Variants in NEGR1 observed in about 807,000 individuals in gnomAD.
NEGR1 encodes neuronal growth regulator 1, also known as IgLON family member 4.
In NEGR1, 10 loss-of-function variants were observed where a neutral mutation model predicts 40.9. The ratio of observed to expected loss-of-function variants is 0.24; its 90% confidence interval spans 0.15 to 0.42. The LOEUF is 0.42. Among genes scored for constraint, NEGR1 ranks in the 10% least tolerant of loss-of-function variants. The pLI is 1.00. For synonymous variants in NEGR1, 185 were observed against 166.8 expected (o/e 1.11, Z -0.84); for missense variants, 352 against 438.9 (o/e 0.80, Z 1.77).
intron 6 of NEGR1, among the ~76,000 whole-genome samples, chr1:71,557,390 G>A (rs888711429): frequency 6.6e-6 from 1 of 151,638 alleles, no homozygotes; most frequent in Non-Finnish European, 1.5e-5. Context: ...TAAAGGAAGT[G>A]TGGGAGAAGA....
intron 4 of NEGR1, among the ~76,000 whole-genome samples, chr1:71,662,867 C>T (rs1056155051): frequency 1.3e-5 from 2 of 151,776 alleles, no homozygotes; most frequent in Admixed American, 6.6e-5. Flanking sequence ...TATACAGAAA[C>T]GCCTAAAATA....
At chr1:71,783,837 C>CCCATCCATCCATCCAT (rs758122735) in intron 2 of NEGR1, among the ~76,000 whole-genome samples, 4 of 136,826 alleles carry the variant, frequency 2.9e-5, no homozygotes, top group African/African-American at 9.9e-5. Context: ...CATCCATCCA[C>CCCATCCATCCATCCAT]CCGTCCATCC....
intron 4 of NEGR1, among the ~76,000 whole-genome samples, chr1:71,646,768 G>A (rs1651544728): frequency 6.6e-6 from 1 of 151,692 alleles, no homozygotes; most frequent in Non-Finnish European, 1.5e-5. Flanking sequence ...TTTTATTGCT[G>A]CATTACTGAG....
At chr1:71,951,426 A>C (rs1379692244) in intron 1 of NEGR1, among the ~76,000 whole-genome samples, 1 of 151,998 alleles carries the variant, frequency 6.6e-6, no homozygotes, top group East Asian at 1.9e-4. Flanking sequence ...AGACAGAACA[A>C]AGTGAAACTG....
In NEGR1 at chr1:72,122,952, G is replaced by C. The variant is rs1395233234; in HGVS notation, c.176+159367C>G. On this transcript the variant is annotated intron_variant, in intron 1 of 6. Coordinates refer to ENST00000357731, the MANE Select transcript of NEGR1 (RefSeq NM_173808.3). ...ACCATGTAGGTTCTAGACATATTTT[G>C]AATATGTCTAAATAATGGGATATAT... Among the ~76,000 whole-genome samples the C allele has an allele frequency of 2.6e-5, 4 of 151,880 alleles. No individual in the cohort carries two copies. In the East Asian group the frequency reaches 7.7e-4, roughly 29 times the overall value.
Position 72,098,820 on chromosome 1 carries a change from T to C in NEGR1, c.177-163509A>G, listed in dbSNP as rs544018457. On this transcript the variant is annotated intron_variant, in intron 1 of 6. Coordinates refer to ENST00000357731, the MANE Select transcript of NEGR1 (RefSeq NM_173808.3). ...GTAAATATTACTGTTTTTTGGACTATAAAAATTTTCTCAAAAGTTTACATC... is the reference window on the plus strand; with the variant it reads ...GTAAATATTACTGTTTTTTGGACTACAAAAATTTTCTCAAAAGTTTACATC... 5.3e-5 allele frequency among the ~76,000 whole-genome samples: 8 copies of C among 152,262 alleles called. No homozygotes were observed. In the East Asian group the frequency reaches 9.7e-4, roughly 18 times the overall value.
At chr1:71,650,698 G>T (rs892964459) in intron 4 of NEGR1, among the ~76,000 whole-genome samples, 2 of 151,782 alleles carry the variant, frequency 1.3e-5, no homozygotes, top group Admixed American at 6.6e-5. Context: ...TTGTATTTTT[G>T]TAAATTTTGA....
At chr1:71,505,372 G>C (rs749718181) in intron 6 of NEGR1, among the ~76,000 whole-genome samples, 1 of 151,754 alleles carries the variant, frequency 6.6e-6, no homozygotes, top group Non-Finnish European at 1.5e-5. Flanking sequence ...AGCTCCACCT[G>C]CCGGGTTCAC....
At chr1:71,768,860 T>C (rs1205317100) in intron 3 of NEGR1, among the ~76,000 whole-genome samples, 2 of 152,158 alleles carry the variant, frequency 1.3e-5, no homozygotes, top group South Asian at 2.1e-4. Flanking sequence ...CCTGCTCTTA[T>C]GATAGAGTTC....
At chr1:71,818,991 G>T (rs1372113178) in intron 2 of NEGR1, among the ~76,000 whole-genome samples, 3 of 151,966 alleles carry the variant, frequency 2.0e-5, no homozygotes, top group African/African-American at 7.2e-5. Context: ...ATTAGGTATA[G>T]GCAATTGAAA....
intron 1 of NEGR1, among the ~76,000 whole-genome samples, chr1:71,965,277 T>C (rs565201739): frequency 6.6e-6 from 1 of 152,280 alleles, no homozygotes; most frequent in East Asian, 1.9e-4. Flanking sequence ...AACCAGGGAA[T>C]AAAACCTGAA....
At chr1:72,097,276 T>C (rs1648738790) in intron 1 of NEGR1, among the ~76,000 whole-genome samples, 1 of 152,174 alleles carries the variant, frequency 6.6e-6, no homozygotes, top group African/African-American at 2.4e-5. Context: ...ACAATACCTA[T>C]CTTTTAAGGT....
intron 2 of NEGR1, among the ~76,000 whole-genome samples, chr1:71,784,513 T>C (rs932702110): frequency 1.1e-4 from 16 of 152,174 alleles, no homozygotes; most frequent in African/African-American, 3.6e-4. Flanking sequence ...AGTAGAAAGA[T>C]GCAATAGGCA....
rs1233045610 is a variant in NEGR1, at chr1:71,719,617, C to A, written c.536-21478G>T. 2.7e-5 allele frequency among the ~76,000 whole-genome samples: 4 copies of A among 149,490 alleles called. No homozygotes were observed. In the East Asian group the frequency reaches 6.0e-4, roughly 22 times the overall value. On this transcript the variant is annotated intron_variant, in intron 3 of 6. Transcript: ENST00000357731. ...TGTTTCTGGACAGACTAGACAGGAG[C>A]CAGTGTTTTTTTTTTTATTATTATT...
chr1:71,802,142 C>T (rs1173252292), intron 2 of NEGR1, among the ~76,000 whole-genome samples: 3 of 151,992 alleles, frequency 2.0e-5, no homozygotes, highest in African/African-American at 7.3e-5. Flanking sequence ...GTTGAAGGTG[C>T]AGCTTGGGTT....
At chr1:71,757,406 GCC>G (rs1285652746) in intron 3 of NEGR1, among the ~76,000 whole-genome samples, 2 of 152,012 alleles carry the variant, frequency 1.3e-5, no homozygotes, top group African/African-American at 4.8e-5. Flanking sequence ...ATCATTAACA[GCC>G]CTCTGGTCCT....
At chr1:72,019,211 A>T (rs564601742) in intron 1 of NEGR1, among the ~76,000 whole-genome samples, 15 of 152,276 alleles carry the variant, frequency 9.9e-5, no homozygotes, top group African/African-American at 2.9e-4. Context: ...ATCTAACTGA[A>T]GAGACAGAAG....
At chr1:71,722,905 G>T (rs923040880) in intron 3 of NEGR1, among the ~76,000 whole-genome samples, 11 of 151,712 alleles carry the variant, frequency 7.3e-5, no homozygotes, top group African/African-American at 2.7e-4. Context: ...TTTCCCTTTT[G>T]TTCCTCTCTG....
chr1:72,225,787 AAG>A (rs1654172446), intron 1 of NEGR1, among the ~76,000 whole-genome samples: 1 of 151,686 alleles, frequency 6.6e-6, no homozygotes, highest in Admixed American at 6.6e-5. Flanking sequence ...GTAAGACAGA[AAG>A]AGAAATCAAA....
Sources: gnomAD v4.1 joint callset for allele counts (sites outside exome capture counted in the v4.1 genomes callset) on GRCh38, gnomAD v4.1.1 for gene constraint, MANE v1.5 for transcripts, NCBI Gene and HGNC (gene_info 2026-07-23, HGNC 2026-07-21) for gene names.